OSBPL8: variants seen among roughly 807,000 people sequenced by gnomAD.
The protein encoded by OSBPL8 is oxysterol binding protein like 8.
A neutral mutation model predicts 125.5 loss-of-function variants in OSBPL8; 59 were observed. The observed-to-expected ratio is 0.47, with a 90% CI of 0.38 to 0.58. The LOEUF is 0.58. OSBPL8 is among the 20% of genes least tolerant of loss of function. The pLI is 0.00. For missense variants in OSBPL8, 758 were observed against 1,047.8 expected (o/e 0.72, Z 3.82); for synonymous variants, 330 against 338.9 (o/e 0.97, Z 0.29).
At chr12:76,460,767 T>C (rs1359082830) in intron 2 of OSBPL8, among the ~76,000 whole-genome samples, 1 of 152,210 alleles carries the variant, frequency 6.6e-6, no homozygotes, top group Non-Finnish European at 1.5e-5. Context: ...AACAGAGTTC[T>C]CAGCTCTCCT....
At chr12:76,480,898 GT>G in intron 2 of OSBPL8, among the ~76,000 whole-genome samples, 1 of 152,172 alleles carries the variant, frequency 6.6e-6, no homozygotes, top group East Asian at 1.9e-4. Context: ...ATGTGATTAG[GT>G]TAAGGATCTT....
intron 1 of OSBPL8, among the ~76,000 whole-genome samples, chr12:76,550,053 A>C (rs556252014): frequency 2.4e-4 from 35 of 146,300 alleles, no homozygotes; most frequent in African/African-American, 7.7e-4. Context: ...ACAGATAAAT[A>C]GAGAATGCAG....
chr12:76,465,515 A>G (rs12823864), intron 2 of OSBPL8, among the ~76,000 whole-genome samples: 64,467 of 151,786 alleles, frequency 0.42, 14,184 homozygotes, highest in Non-Finnish European at 0.46. Context: ...AGCCAAGATC[A>G]CGCCACTGCA....
chr12:76,433,263 A>G (rs1292745132), intron 4 of OSBPL8, among the ~76,000 whole-genome samples: 2 of 152,206 alleles, frequency 1.3e-5, no homozygotes, highest in Non-Finnish European at 2.9e-5. Flanking sequence ...AAGGTGTCCA[A>G]CAGGAAAGGA....
At chr12:76,413,955 T>C (rs1209575781) in intron 4 of OSBPL8, among the ~76,000 whole-genome samples, 1 of 152,208 alleles carries the variant, frequency 6.6e-6, no homozygotes, top group Non-Finnish European at 1.5e-5. Flanking sequence ...TTTAGCAATC[T>C]CTTTCTTTAA....
intron 21 of OSBPL8, among the ~76,000 whole-genome samples, chr12:76,363,891 A>C (rs942653205): frequency 2.0e-5 from 3 of 152,230 alleles, no homozygotes; most frequent in African/African-American, 4.8e-5. Context: ...GCAGCCAACA[A>C]ACACATGAAA....
At chr12:76,512,048 T>C (rs1881051817) in intron 1 of OSBPL8, among the ~76,000 whole-genome samples, 1 of 152,186 alleles carries the variant, frequency 6.6e-6, no homozygotes, top group Non-Finnish European at 1.5e-5. Flanking sequence ...TGGGGGTTCG[T>C]TGAACATATT....
At chr12:76,464,809 T>C (rs58636077) in intron 2 of OSBPL8, among the ~76,000 whole-genome samples, 5 of 152,214 alleles carry the variant, frequency 3.3e-5, no homozygotes, top group Non-Finnish European at 4.4e-5. Flanking sequence ...GATGTAGCTG[T>C]TGGCACCTTT....
chr12:76,476,799 T>C (rs1013626447), intron 2 of OSBPL8, among the ~76,000 whole-genome samples: 1 of 151,988 alleles, frequency 6.6e-6, no homozygotes, highest in African/African-American at 2.4e-5. Flanking sequence ...TCGCCAGACA[T>C]ACATTCATAA....
At chr12:76,390,333 T>C (rs1293388281) in intron 11 of OSBPL8, 87 bp downstream of exon 11, 8 of 973,886 alleles carry the variant, frequency 8.2e-6, no homozygotes, top group Admixed American at 2.3e-5. Context: ...AAATAGGCAA[T>C]AGATCAAGCA....
rs1375674559 is a variant in OSBPL8, at chr12:76,356,002, T to C, written c.2557A>G (p.Asn853Asp). 1 of 1,611,376 alleles carries C rather than the reference T, an allele frequency of 6.2e-7. No homozygotes were observed. The highest frequency in any genetic ancestry group is 2.2e-5 in the East Asian group (1 of 44,852). The change falls in exon 24 of 24, where the codon AAT (asparagine) becomes GAT (aspartate). Residue 853 changes from asparagine (N) to aspartate (D), a missense_variant. By Grantham distance (23) the Asn-to-Asp change is conservative. Transcript: ENST00000261183. ...GCCGGTGTGCTTGAAACTAAATGAT[T>C]TCGAAGAGCCATAATATTTCTATAA... is the stretch of plus-strand genomic sequence containing the variant. The part of the protein sequence containing the change: ...EIKRNIMALR[N>D]HLVSSTPATD...
intron 1 of OSBPL8, among the ~76,000 whole-genome samples, chr12:76,539,956 C>CT (rs1344203042): frequency 6.6e-6 from 1 of 152,102 alleles, no homozygotes; most frequent in Non-Finnish European, 1.5e-5. Context: ...AAGGAAGCTT[C>CT]TTTTTTTAGG....
chr12:76,501,846 G>C (rs1252188049), intron 1 of OSBPL8, among the ~76,000 whole-genome samples: 1 of 152,240 alleles, frequency 6.6e-6, no homozygotes, highest in Non-Finnish European at 1.5e-5. Flanking sequence ...CGAAGGGGCA[G>C]CATTTTGTTC....
intron 3 of OSBPL8, among the ~76,000 whole-genome samples, chr12:76,454,703 A>G (rs1204163063): frequency 6.7e-6 from 1 of 150,252 alleles, no homozygotes; most frequent in Non-Finnish European, 1.5e-5. Context: ...TGGGCAACAG[A>G]GCAAGACCCT....
chr12:76,501,798 C>A (rs1189813347), intron 1 of OSBPL8, among the ~76,000 whole-genome samples: 3 of 152,214 alleles, frequency 2.0e-5, no homozygotes, highest in Non-Finnish European at 4.4e-5. Context: ...TAGCTAGTTG[C>A]CCAGTGGCAG....
chr12:76,415,063 T>C (rs1370328691), intron 4 of OSBPL8, among the ~76,000 whole-genome samples: 2 of 152,178 alleles, frequency 1.3e-5, no homozygotes, highest in African/African-American at 4.8e-5. Context: ...TAGGACAATC[T>C]CTTTCAGTTG....
At chr12:76,558,319 A>G (rs1565997884) in intron 1 of OSBPL8, among the ~76,000 whole-genome samples, 1 of 152,204 alleles carries the variant, frequency 6.6e-6, no homozygotes, top group African/African-American at 2.4e-5. Flanking sequence ...TCAAGTTTAG[A>G]TGAAACTCTA....
chr12:76,544,549 G>A (rs1950732448), intron 1 of OSBPL8, among the ~76,000 whole-genome samples: 1 of 152,078 alleles, frequency 6.6e-6, no homozygotes, highest in Non-Finnish European at 1.5e-5. Flanking sequence ...TTTAAAACTG[G>A]TCATATTTCT....
At chr12:76,395,982 G>T (rs945862354) in intron 8 of OSBPL8, among the ~76,000 whole-genome samples, 2 of 150,764 alleles carry the variant, frequency 1.3e-5, no homozygotes, top group East Asian at 3.9e-4. Context: ...CAATTCCTAA[G>T]AGTAGTAGAA....
Sources: allele counts gnomAD v4.1 joint callset (sites outside exome capture counted in the v4.1 genomes callset), GRCh38; gene constraint gnomAD v4.1.1; transcripts MANE v1.5; gene names NCBI Gene and HGNC (gene_info 2026-07-23, HGNC 2026-07-21).